Variants in N4BP2L1 observed in about 807,000 individuals in gnomAD.
The protein encoded by N4BP2L1 is NEDD4 binding protein 2 like 1, also known as NEDD4-binding protein 2-like 1.
Under a neutral mutation model 21.2 loss-of-function variants are expected in N4BP2L1, and 12 were observed. The observed-to-expected ratio is 0.57, with a 90% CI of 0.36 to 0.92. The LOEUF is 0.92. Ranked by LOEUF, N4BP2L1 falls within the 40% of genes least tolerant of loss-of-function variation. The probability of loss-of-function intolerance (pLI) is 0.01; values close to 1 mark genes in which losing one functional copy is unlikely to be tolerated. For missense variants in N4BP2L1, 259 were observed against 310.6 expected, an observed-to-expected ratio of 0.83 and a Z score of 1.25; for synonymous variants, 104 against 112.8, an observed-to-expected ratio of 0.92 and a Z score of 0.49.
At chr13:32,421,420 C>T (rs2074469887) in intron 1 of N4BP2L1, among the ~76,000 whole-genome samples, 1 of 151,148 alleles carries the variant, frequency 6.6e-6, no homozygotes, top group African/African-American at 2.4e-5. Context: ...GCTATACAAT[C>T]ATACTTCAGC....
chr13:32,412,394 A>AG, intron 1 of N4BP2L1, among the ~76,000 whole-genome samples: 1 of 152,240 alleles, frequency 6.6e-6, no homozygotes, highest in Non-Finnish European at 1.5e-5. Flanking sequence ...TGGGAGGCCA[A>AG]GACGGGCGGA....
At chr13:32,410,741 A>T (rs2073813125) in intron 1 of N4BP2L1, among the ~76,000 whole-genome samples, 1 of 152,224 alleles carries the variant, frequency 6.6e-6, no homozygotes, top group Non-Finnish European at 1.5e-5. Flanking sequence ...TATTATTTAA[A>T]TAATGAAAGT....
At chr13:32,427,728 C>T (rs2074868770) in intron 1 of N4BP2L1, among the ~76,000 whole-genome samples, 176 bp downstream of exon 1, 1 of 151,754 alleles carries the variant, frequency 6.6e-6, no homozygotes. Context: ...GGAGGCGGCT[C>T]GGGCTCCCCG....
At position 32,402,230 on chromosome 13, in the gene N4BP2L1, T is replaced by G. The variant is rs2073168496; in HGVS notation, c.*712A>C. ...GCCAAAAGTTATTCAGGTTTAATCCTGCTGAATAAAGTAGTAAAAACACAA... is the reference window on the plus strand; with the variant it reads ...GCCAAAAGTTATTCAGGTTTAATCCGGCTGAATAAAGTAGTAAAAACACAA... On this transcript the variant is annotated 3_prime_UTR_variant, in exon 5 of 5. Transcript: ENST00000380130. 1 of 928,736 alleles carries G rather than the reference T, an allele frequency of 1.1e-6. No individual in the cohort carries two copies. The highest frequency in any genetic ancestry group is 1.3e-6 in the Non-Finnish European group (1 of 778,364). The allele number at this position is 928,736 out of a possible 1,614,324, so 57.5% of individuals were successfully genotyped here.
upstream of N4BP2L1, chr13:32,428,229 A>C (rs1297600916): frequency 6.5e-6 from 5 of 763,504 alleles, no homozygotes; most frequent in Non-Finnish European, 7.4e-6. Flanking sequence ...CACCCGCCGG[A>C]ACCGTGCTGC....
intron 1 of N4BP2L1, among the ~76,000 whole-genome samples, chr13:32,410,849 TC>T (rs1338452525): frequency 6.6e-6 from 1 of 152,200 alleles, no homozygotes; most frequent in Non-Finnish European, 1.5e-5. Flanking sequence ...ATTTTTTTTT[TC>T]TTTCAGGTCC....
intron 1 of N4BP2L1, chr13:32,420,567 A>G (rs1323297220): frequency 6.6e-6 from 1 of 152,200 alleles, no homozygotes; most frequent in African/African-American, 2.4e-5. Context: ...GGCACATCAA[A>G]CATTTTCACC....
rs775533753 is a variant in N4BP2L1, at chr13:32,427,991, C to T, written c.92G>A (p.Arg31Gln). 1.9e-6 allele frequency: 3 copies of T among 1,556,470 alleles called. No homozygotes were observed. The highest frequency in any genetic ancestry group is 1.4e-5 in the African/African-American group (1 of 71,168). The change falls in exon 1 of 5, where the codon CGG becomes CAG. Residue 31 changes from arginine (R) to glutamine (Q), a missense_variant. This residue lies in a region of N4BP2L1 where 60 missense variants were observed against 54.7 expected (regional missense o/e 1.10). Transcript: ENST00000380130. ...QRQRPPRPPP[R>Q]GTPPRRHSFR... ...GCTGTGGCGGCGAGGAGGTGTCCCC[C>T]GCGGGGGCGGCCGGGGCGGCCGCTG...
chr13:32,427,289 C>A (rs762063826), intron 1 of N4BP2L1, among the ~76,000 whole-genome samples: 1 of 152,210 alleles, frequency 6.6e-6, no homozygotes, highest in African/African-American at 2.4e-5. Flanking sequence ...GCAGGCTCCC[C>A]GACTTCGCCA....
At chr13:32,406,473 A>C (rs2073514832) in intron 3 of N4BP2L1, 1 of 151,656 alleles carries the variant, frequency 6.6e-6, no homozygotes, top group African/African-American at 2.4e-5. Context: ...TTTTTTATTT[A>C]ATTTTCTTTT....
At chr13:32,417,126 TTA>T (rs953802076) in intron 1 of N4BP2L1, among the ~76,000 whole-genome samples, 9 of 152,208 alleles carry the variant, frequency 5.9e-5, no homozygotes, top group African/African-American at 1.7e-4. Context: ...GCAAACTTTT[TTA>T]TAGAGTCCCA....
intron 1 of N4BP2L1, among the ~76,000 whole-genome samples, chr13:32,412,347 C>T (rs554645035): frequency 6.6e-6 from 1 of 152,206 alleles, no homozygotes; most frequent in African/African-American, 2.4e-5. Flanking sequence ...AAATTGCAGG[C>T]CGGGCGCGGT....
chr13:32,426,410 G>A (rs2074765608), intron 1 of N4BP2L1, among the ~76,000 whole-genome samples: 1 of 152,054 alleles, frequency 6.6e-6, no homozygotes, highest in South Asian at 2.1e-4. Flanking sequence ...CTCTGCCTCT[G>A]TCCTCCACCT....
chr13:32,403,336 CTTGTT>C, intron 4 of N4BP2L1, 136 bp from the exon 5 acceptor site: 2 of 902,812 alleles, frequency 2.2e-6, no homozygotes, highest in Non-Finnish European at 3.3e-6. Flanking sequence ...TAACAAACAT[CTTGTT>C]CAGCAGTTCT....
intron 1 of N4BP2L1, among the ~76,000 whole-genome samples, chr13:32,408,240 G>A (rs556086661): frequency 6.6e-5 from 10 of 152,282 alleles, no homozygotes; most frequent in Admixed American, 1.3e-4. Flanking sequence ...CATTTCCTTG[G>A]AGCTCTGTTC....
At position 32,402,827 on chromosome 13, in the gene N4BP2L1, T is replaced by C; in HGVS notation, c.*115A>G. On this transcript the variant is annotated 3_prime_UTR_variant, in exon 5 of 5. Coordinates refer to ENST00000380130, the MANE Select transcript of N4BP2L1 (RefSeq NM_052818.3). ...ATATAATGACTTTGCTCAGAAACTTTTGAGTTCAGCTATTTACACTGGAAT... is the reference window on the plus strand; with the variant it reads ...ATATAATGACTTTGCTCAGAAACTTCTGAGTTCAGCTATTTACACTGGAAT... 2 of 1,446,240 alleles carry C rather than the reference T, an allele frequency of 1.4e-6. No homozygotes were observed. The highest frequency in any genetic ancestry group is 1.6e-5 in the South Asian group (1 of 62,174). 89.6% of individuals were successfully genotyped at this position (1,446,240 alleles called of 1,614,324 possible).
chr13:32,407,377 C>T, intron 2 of N4BP2L1, 39 bp from the exon 3 acceptor site: 2 of 1,613,896 alleles, frequency 1.2e-6, no homozygotes, highest in South Asian at 2.2e-5. Flanking sequence ...CAACATGCAA[C>T]AATCAGAGGG....
At chr13:32,423,887 C>A (rs570270724) in intron 1 of N4BP2L1, among the ~76,000 whole-genome samples, 93 of 152,218 alleles carry the variant, frequency 6.1e-4, no homozygotes, top group African/African-American at 2.0e-3. Flanking sequence ...GAGTGTAGTT[C>A]CACATAATAC....
At chr13:32,415,139 A>G (rs2074058574) in intron 1 of N4BP2L1, among the ~76,000 whole-genome samples, 1 of 152,340 alleles carries the variant, frequency 6.6e-6, no homozygotes, top group South Asian at 2.1e-4. Flanking sequence ...TCACAACTCC[A>G]TGATCAACAT....
Sources: allele counts gnomAD v4.1 joint callset (sites outside exome capture counted in the v4.1 genomes callset), GRCh38; gene constraint gnomAD v4.1.1; regional missense constraint gnomAD v4.1.1; transcripts MANE v1.5; gene names NCBI Gene and HGNC (gene_info 2026-07-23, HGNC 2026-07-21).